Variants in DPP10 observed in about 807,000 individuals in gnomAD.
The protein encoded by DPP10 is dipeptidyl peptidase like 10, also known as inactive dipeptidyl peptidase 10.
In DPP10, 33 loss-of-function variants were observed where a neutral mutation model predicts 120.9. The ratio of observed to expected loss-of-function variants is 0.27; its 90% CI spans 0.21 to 0.37. The LOEUF is 0.37. DPP10 is among the 10% of genes least tolerant of loss of function. The pLI is 1.00. For missense variants in DPP10, 816 were observed against 942.8 expected (o/e 0.87, Z 1.76); for synonymous variants, 337 against 326.1 (o/e 1.03, Z -0.36).
intron 3 of DPP10, among the ~76,000 whole-genome samples, chr2:115,352,227 C>G (rs2064080973): frequency 6.6e-6 from 1 of 151,944 alleles, no homozygotes; most frequent in Non-Finnish European, 1.5e-5. Context: ...CCACTTATTT[C>G]TTGAAATATA....
intron 15 of DPP10, 84 bp downstream of exon 15, chr2:115,777,918 G>A: frequency 7.0e-7 from 1 of 1,433,940 alleles, no homozygotes. Flanking sequence ...GGAAAAATTT[G>A]AAATGTCTTT....
At chr2:115,331,501 A>G (rs960074425) in intron 2 of DPP10, among the ~76,000 whole-genome samples, 2 of 152,146 alleles carry the variant, frequency 1.3e-5, no homozygotes, top group Non-Finnish European at 2.9e-5. Flanking sequence ...GTCTTGTGCC[A>G]GTTTTCAAAG....
chr2:115,034,773 A>G (rs945164411), intron 1 of DPP10, among the ~76,000 whole-genome samples: 1 of 152,232 alleles, frequency 6.6e-6, no homozygotes, highest in Admixed American at 6.5e-5. Flanking sequence ...TCCCGTCATG[A>G]CAATTCAATC....
intron 11 of DPP10, among the ~76,000 whole-genome samples, chr2:115,754,698 T>G (rs1679179492): frequency 6.6e-6 from 1 of 152,118 alleles, no homozygotes; most frequent in Non-Finnish European, 1.5e-5. Flanking sequence ...TGATCAATAC[T>G]ATATATGTAG....
At chr2:115,771,082 AT>A (rs1681403051) in intron 13 of DPP10, among the ~76,000 whole-genome samples, 10 of 151,306 alleles carry the variant, frequency 6.6e-5, no homozygotes, top group African/African-American at 2.2e-4. Flanking sequence ...TTATTTATTT[AT>A]TTATTTTTTG....
chr2:115,120,408 T>C (rs939181797), intron 1 of DPP10, among the ~76,000 whole-genome samples: 5 of 152,068 alleles, frequency 3.3e-5, no homozygotes, highest in Middle Eastern at 3.2e-3. Context: ...TCAGAAGACA[T>C]TGGGGAACTG....
intron 3 of DPP10, among the ~76,000 whole-genome samples, chr2:115,345,100 T>A (rs993437717): frequency 2.0e-5 from 3 of 152,220 alleles, no homozygotes; most frequent in Non-Finnish European, 4.4e-5. Flanking sequence ...GTTTTTTGAA[T>A]AAATGAATGA....
At chr2:114,643,979 G>A (rs1377210064) in intron 1 of DPP10, among the ~76,000 whole-genome samples, 1 of 144,604 alleles carries the variant, frequency 6.9e-6, no homozygotes, top group Non-Finnish European at 1.5e-5. Context: ...TTGTCATCCA[G>A]GCTGGAGTGC....
chr2:114,757,385 AAGG>A (rs1383433015), intron 1 of DPP10, among the ~76,000 whole-genome samples: 1 of 144,826 alleles, frequency 6.9e-6, no homozygotes, highest in African/African-American at 2.5e-5. Flanking sequence ...AAAAGAAGGA[AAGG>A]AGGGAGGGAG....
At chr2:115,212,023 A>C (rs541081731) in intron 1 of DPP10, among the ~76,000 whole-genome samples, 1 of 152,310 alleles carries the variant, frequency 6.6e-6, no homozygotes, top group Admixed American at 6.5e-5. Context: ...CCCAGGGTGC[A>C]TGTCTTAGCT....
At chr2:115,092,854 G>A (rs1056276050) in intron 1 of DPP10, among the ~76,000 whole-genome samples, 6 of 152,096 alleles carry the variant, frequency 3.9e-5, no homozygotes, top group South Asian at 2.1e-4. Flanking sequence ...GTATTTTGTC[G>A]TTGCTGATAA....
chr2:115,347,644 C>A (rs757718450), intron 3 of DPP10, among the ~76,000 whole-genome samples: 1 of 152,022 alleles, frequency 6.6e-6, no homozygotes, highest in Non-Finnish European at 1.5e-5. Flanking sequence ...TCCCCTACCC[C>A]CTGACAGGCC....
intron 1 of DPP10, among the ~76,000 whole-genome samples, chr2:115,172,682 G>A (rs550074305): frequency 2.0e-5 from 3 of 152,278 alleles, no homozygotes; most frequent in African/African-American, 2.4e-5. Context: ...CAGAACTGTT[G>A]TGAGGATCAG....
intron 5 of DPP10, among the ~76,000 whole-genome samples, chr2:115,546,582 G>A (rs908785988): frequency 2.0e-5 from 3 of 151,752 alleles, no homozygotes; most frequent in Non-Finnish European, 4.4e-5. Context: ...ACTCTCTTTG[G>A]AATGAGTTAG....
intron 1 of DPP10, among the ~76,000 whole-genome samples, chr2:115,120,956 C>T (rs1311749066): frequency 3.9e-5 from 6 of 152,148 alleles, no homozygotes; most frequent in Non-Finnish European, 5.9e-5. Context: ...GCAAGTACTA[C>T]GAAGAGGGAG....
chr2:115,526,044 A>C (rs1015890943), intron 5 of DPP10, 72 bp downstream of exon 5: 1 of 1,329,900 alleles, frequency 7.5e-7, no homozygotes, highest in African/African-American at 1.5e-5. Flanking sequence ...AATTTTACTC[A>C]GCTATAACTC....
intron 1 of DPP10, among the ~76,000 whole-genome samples, chr2:114,660,520 C>G (rs998082091): frequency 6.6e-6 from 1 of 152,076 alleles, no homozygotes; most frequent in Non-Finnish European, 1.5e-5. Flanking sequence ...ATGGCTTGTT[C>G]AAGTGTTTTA....
intron 3 of DPP10, among the ~76,000 whole-genome samples, chr2:115,395,408 G>A (rs1027539304): frequency 5.3e-5 from 8 of 152,098 alleles, no homozygotes; most frequent in South Asian, 2.1e-4. Flanking sequence ...GAGGCAGTAG[G>A]TTTAGAGCTT....
chr2:115,823,530 C>A (rs944139231), intron 21 of DPP10, among the ~76,000 whole-genome samples: 10 of 152,142 alleles, frequency 6.6e-5, no homozygotes, highest in African/African-American at 2.4e-4. Flanking sequence ...AAAGGTCAAA[C>A]AAAGTCTTTA....
Sources: allele counts gnomAD v4.1 joint callset (sites outside exome capture counted in the v4.1 genomes callset), GRCh38; gene constraint gnomAD v4.1.1; transcripts MANE v1.5; gene names NCBI Gene and HGNC (gene_info 2026-07-23, HGNC 2026-07-21).